SLCO1A2: variants seen among roughly 807,000 people sequenced by gnomAD.
The protein encoded by SLCO1A2 is solute carrier organic anion transporter family member 1A2, also known as OATP-1.
SLCO1A2 carries 67 observed loss-of-function variants against 69.0 expected under a neutral mutation model. The ratio of observed to expected loss-of-function variants is 0.97; its 90% confidence interval spans 0.80 to 1.19. SLCO1A2 has a LOEUF of 1.19. Among genes scored for constraint, SLCO1A2 ranks in the 50% most tolerant of loss-of-function variants. The pLI, the probability that SLCO1A2 is intolerant of heterozygous loss-of-function variation, is 0.00. For synonymous variants in SLCO1A2, 260 were observed against 265.9 expected (o/e 0.98, Z 0.22); for missense variants, 787 against 793.7 (o/e 0.99, Z 0.10).
At chr12:21,320,688 G>A (rs747846068) in intron 2 of SLCO1A2, among the ~76,000 whole-genome samples, 4 of 151,942 alleles carry the variant, frequency 2.6e-5, no homozygotes, top group South Asian at 2.1e-4. Context: ...TAGTACAGAC[G>A]GGGTTTCACC....
At chr12:21,284,227 T>C (rs1945313586) in intron 12 of SLCO1A2, among the ~76,000 whole-genome samples, 2 of 152,058 alleles carry the variant, frequency 1.3e-5, no homozygotes, top group Non-Finnish European at 2.9e-5. Context: ...GATGGAGTAA[T>C]ATTCAGCCAT....
intron 1 of SLCO1A2, among the ~76,000 whole-genome samples, chr12:21,392,105 G>A (rs1306749372): frequency 2.0e-5 from 3 of 152,106 alleles, no homozygotes; most frequent in Non-Finnish European, 4.4e-5. Context: ...GGATTCTTTG[G>A]AGATTCCACC....
chr12:21,344,574 C>A (rs1953192443), intron 2 of SLCO1A2, among the ~76,000 whole-genome samples: 1 of 151,948 alleles, frequency 6.6e-6, no homozygotes, highest in Non-Finnish European at 1.5e-5. Context: ...AATTTTAGCA[C>A]ACTTGAAGCC....
chr12:21,299,787 TATAC>T lies in SLCO1A2; in HGVS notation c.910+557_910+560del, dbSNP rs1165751696. Among the ~76,000 whole-genome samples, 646 of 116,462 alleles carry T rather than the reference TATAC, an allele frequency of 5.5e-3. 10 individuals are homozygous for T. The highest frequency in any genetic ancestry group is 0.021 in the African/African-American group (526 of 25,182). 76.4% of individuals were successfully genotyped at this position (116,462 alleles called of 152,430 possible). On this transcript the variant is annotated intron_variant, in intron 8 of 14. Coordinates refer to ENST00000683939, the MANE Select transcript of SLCO1A2 (RefSeq NM_001386879.1). The stretch of plus-strand genomic sequence containing the variant: ...ATACGTGTGTATATATATATATATA[TATAC>T]ACACACACGTATATATATACACACA...
At chr12:21,407,834 A>T (rs376087117) in intron 1 of SLCO1A2, among the ~76,000 whole-genome samples, 157 of 152,144 alleles carry the variant, frequency 1.0e-3, no homozygotes, top group Middle Eastern at 3.4e-3. Context: ...AAAAAAAAAA[A>T]AAAGCCTTTG....
intron 2 of SLCO1A2, among the ~76,000 whole-genome samples, chr12:21,369,246 C>A (rs1169741824): frequency 6.6e-6 from 1 of 152,120 alleles, no homozygotes; most frequent in Non-Finnish European, 1.5e-5. Context: ...CTTCTCATTT[C>A]TTCCCTTTAT....
At chr12:21,325,767 A>G (rs962883220) in intron 2 of SLCO1A2, among the ~76,000 whole-genome samples, 5 of 152,130 alleles carry the variant, frequency 3.3e-5, no homozygotes, top group African/African-American at 1.2e-4. Context: ...AAATATTTTA[A>G]TCACCCTCTG....
intron 11 of SLCO1A2, 92 bp downstream of exon 11, chr12:21,293,853 C>A: frequency 2.0e-6 from 2 of 1,019,422 alleles, no homozygotes. Context: ...TTTGAGGAAA[C>A]ACTAATTTTA....
chr12:21,368,673 G>A (rs1324775975), intron 2 of SLCO1A2, among the ~76,000 whole-genome samples: 1 of 151,978 alleles, frequency 6.6e-6, no homozygotes, highest in Non-Finnish European at 1.5e-5. Flanking sequence ...AGTGGGAGGT[G>A]GGAGGAAAGT....
In SLCO1A2 at chr12:21,295,613, T is replaced by G. The variant is rs777130568; in HGVS notation, c.1255A>C (p.Asn419His). The G allele has an allele frequency of 2.6e-5, 41 of 1,581,414 alleles. No homozygotes were observed. The highest frequency in any genetic ancestry group is 3.4e-5 in the Non-Finnish European group (39 of 1,151,324). ...TCENSSVVGI[N>H]TSYEGIPQDL... ...ACAACATACCCTTCATAAGAGGTAT[T>G]TATTCCAACAACTGAAGAATTTTCA... The change falls in exon 10 of 15, where the codon AAT becomes CAT. Residue 419 changes from asparagine to histidine, a missense_variant. Physicochemically the swap from Asn to His is moderately conservative, Grantham distance 68. Transcript: ENST00000683939.
upstream of SLCO1A2, among the ~76,000 whole-genome samples, chr12:21,397,342 AC>A: frequency 6.6e-6 from 1 of 152,148 alleles, no homozygotes; most frequent in Non-Finnish European, 1.5e-5. Context: ...ATATATGTGC[AC>A]CCAATACAGG....
At chr12:21,305,706 A>G (rs959357303) in intron 5 of SLCO1A2, among the ~76,000 whole-genome samples, 1 of 152,258 alleles carries the variant, frequency 6.6e-6, no homozygotes, top group Non-Finnish European at 1.5e-5. Flanking sequence ...GGAAGAGAAC[A>G]CAGGCCACTA....
chr12:21,339,101 C>A (rs1952984036), upstream of SLCO1A2, among the ~76,000 whole-genome samples: 1 of 151,946 alleles, frequency 6.6e-6, no homozygotes, highest in Admixed American at 6.6e-5. Context: ...CCTTGCAGGG[C>A]TGCTGAAATA....
At chr12:21,398,702 G>A (rs1317195369), upstream of SLCO1A2, among the ~76,000 whole-genome samples, 1 of 151,416 alleles carries the variant, frequency 6.6e-6, no homozygotes, top group Non-Finnish European at 1.5e-5. Flanking sequence ...TCATCCCTGG[G>A]ATGCAAGGCT....
chr12:21,346,532 A>G (rs993999948), intron 2 of SLCO1A2, among the ~76,000 whole-genome samples: 2 of 152,186 alleles, frequency 1.3e-5, no homozygotes, highest in Non-Finnish European at 2.9e-5. Flanking sequence ...AAAAAAAAAA[A>G]ACATATGTGG....
intron 12 of SLCO1A2, among the ~76,000 whole-genome samples, chr12:21,289,008 CA>C (rs879461259): frequency 1.6e-4 from 24 of 151,554 alleles, no homozygotes; most frequent in Admixed American, 1.6e-3. Context: ...CATTGATAAT[CA>C]CAATTATTTA....
intron 3 of SLCO1A2, among the ~76,000 whole-genome samples, chr12:21,316,387 C>G (rs1335259008): frequency 6.6e-6 from 1 of 152,158 alleles, no homozygotes; most frequent in Non-Finnish European, 1.5e-5. Flanking sequence ...GCTTTTCCCC[C>G]CTCCCTAATC....
chr12:21,364,602 C>T (rs1415517854), intron 2 of SLCO1A2, among the ~76,000 whole-genome samples: 3 of 152,158 alleles, frequency 2.0e-5, no homozygotes, highest in Non-Finnish European at 4.4e-5. Context: ...AAGAGGAAGT[C>T]AAATTGTCCC....
intron 2 of SLCO1A2, among the ~76,000 whole-genome samples, chr12:21,352,938 G>C (rs1938075527): frequency 1.3e-5 from 2 of 152,240 alleles, no homozygotes; most frequent in Admixed American, 6.5e-5. Context: ...TTTGGCACAA[G>C]TTATTAAACT....
Sources: allele counts gnomAD v4.1 joint callset (sites outside exome capture counted in the v4.1 genomes callset), GRCh38; gene constraint gnomAD v4.1.1; transcripts MANE v1.5; gene names NCBI Gene and HGNC (gene_info 2026-07-23, HGNC 2026-07-21).